NAALADL2: variants seen among roughly 807,000 people sequenced by gnomAD.
NAALADL2 encodes inactive N-acetylated-alpha-linked acidic dipeptidase-like protein 2.
A neutral mutation model predicts 87.2 loss-of-function variants in NAALADL2; 76 were observed. The ratio of observed to expected loss-of-function variants is 0.87; its 90% CI spans 0.72 to 1.05. The LOEUF is 1.05. Among genes scored for constraint, NAALADL2 ranks in the 50% least tolerant of loss-of-function variants. The pLI, the probability that NAALADL2 is intolerant of heterozygous loss-of-function variation, is 0.00. For synonymous variants in NAALADL2, 354 were observed against 331.0 expected, an observed-to-expected ratio of 1.07 and a Z score of -0.75; for missense variants, 1,089 against 945.8, an observed-to-expected ratio of 1.15 and a Z score of -1.99.
chr3:175,273,201 T>C (rs1370249784), intron 4 of NAALADL2, among the ~76,000 whole-genome samples: 1 of 152,106 alleles, frequency 6.6e-6, no homozygotes, highest in Non-Finnish European at 1.5e-5. Context: ...TGAACATGAA[T>C]GCTTATTGTA....
At chr3:175,749,078 G>C (rs1044320543) in intron 12 of NAALADL2, among the ~76,000 whole-genome samples, 9 of 147,338 alleles carry the variant, frequency 6.1e-5, no homozygotes, top group Admixed American at 2.8e-4. Context: ...CTGTACTCCA[G>C]ACTGGGCAAC....
chr3:174,860,965 C>A (rs763354167), intron 1 of NAALADL2, among the ~76,000 whole-genome samples: 8 of 151,842 alleles, frequency 5.3e-5, no homozygotes, highest in Non-Finnish European at 1.0e-4. Context: ...ATCAGAAAAC[C>A]ATGCACAAAA....
intron 2 of NAALADL2, among the ~76,000 whole-genome samples, chr3:175,190,699 G>C (rs1041146187): frequency 6.6e-6 from 1 of 152,086 alleles, no homozygotes; most frequent in African/African-American, 2.4e-5. Context: ...AATATGGGCC[G>C]GGCGCGGTGG....
chr3:175,628,493 T>A (rs1727304841), intron 11 of NAALADL2, among the ~76,000 whole-genome samples: 1 of 151,104 alleles, frequency 6.6e-6, no homozygotes, highest in Admixed American at 6.6e-5. Context: ...TGACATCACA[T>A]GGCATCATAT....
intron 13 of NAALADL2, among the ~76,000 whole-genome samples, chr3:175,788,402 T>C (rs1473638474): frequency 2.0e-5 from 3 of 152,128 alleles, no homozygotes; most frequent in Non-Finnish European, 4.4e-5. Context: ...TTTTTTATCT[T>C]TTATAGAGTA....
At chr3:174,885,280 G>C (rs1211174313) in intron 1 of NAALADL2, among the ~76,000 whole-genome samples, 1 of 152,054 alleles carries the variant, frequency 6.6e-6, no homozygotes, top group Non-Finnish European at 1.5e-5. Context: ...CACAATTTCA[G>C]CTCTTTGTCT....
intron 1 of NAALADL2, among the ~76,000 whole-genome samples, chr3:175,042,381 A>C (rs1375644919): frequency 6.6e-6 from 1 of 152,144 alleles, no homozygotes; most frequent in East Asian, 1.9e-4. Context: ...TATTTTGACT[A>C]TTGTGAATAG....
At chr3:175,453,648 T>G (rs1721901796) in intron 6 of NAALADL2, among the ~76,000 whole-genome samples, 1 of 152,120 alleles carries the variant, frequency 6.6e-6, no homozygotes, top group African/African-American at 2.4e-5. Context: ...TTAGAATATG[T>G]TGTTTCCTCT....
At chr3:174,663,213 T>C (rs1220060047) in intron 2 of NAALADL2, among the ~76,000 whole-genome samples, 1 of 152,144 alleles carries the variant, frequency 6.6e-6, no homozygotes, top group Non-Finnish European at 1.5e-5. Flanking sequence ...TCCATTGATA[T>C]TATCTCAGTT....
chr3:174,918,037 CAT>C (rs1251959616), intron 1 of NAALADL2, among the ~76,000 whole-genome samples: 2 of 151,920 alleles, frequency 1.3e-5, no homozygotes, highest in Non-Finnish European at 2.9e-5. Flanking sequence ...AAATATAAGA[CAT>C]GTTTAGAAAC....
intron 9 of NAALADL2, among the ~76,000 whole-genome samples, chr3:175,507,119 A>C (rs1270783974): frequency 1.3e-5 from 2 of 151,188 alleles, no homozygotes; most frequent in Admixed American, 1.3e-4. Context: ...AAAAAAAACC[A>C]CTCAACACAA....
intron 1 of NAALADL2, among the ~76,000 whole-genome samples, chr3:174,930,638 T>C (rs1001172396): frequency 7.2e-6 from 1 of 139,772 alleles, no homozygotes; most frequent in African/African-American, 2.7e-5. Flanking sequence ...TTTTTTTTTT[T>C]TGAGACAGAG....
chr3:174,942,929 C>T (rs941205943), intron 1 of NAALADL2, among the ~76,000 whole-genome samples: 1 of 152,174 alleles, frequency 6.6e-6, no homozygotes, highest in African/African-American at 2.4e-5. Context: ...CCTTCAGTTC[C>T]TGCATCACTT....
chr3:174,870,028 AAAG>A (rs1186780333), intron 1 of NAALADL2, among the ~76,000 whole-genome samples: 2 of 143,816 alleles, frequency 1.4e-5, no homozygotes, highest in Non-Finnish European at 3.1e-5. Context: ...AAAAAAAAAA[AAAG>A]GCTAATTATG....
intron 1 of NAALADL2, among the ~76,000 whole-genome samples, chr3:174,990,856 A>G (rs1194209142): frequency 1.3e-5 from 2 of 151,904 alleles, no homozygotes; most frequent in African/African-American, 4.8e-5. Flanking sequence ...AGTATTGTTG[A>G]CCTCTCTACA....
upstream of NAALADL2, among the ~76,000 whole-genome samples, chr3:174,858,236 A>G (rs1726079895): frequency 6.7e-6 from 1 of 149,858 alleles, no homozygotes; most frequent in South Asian, 2.1e-4. Context: ...ATATTCATTT[A>G]TTTACTAGTC....
chr3:175,016,558 G>A (rs965086270), intron 1 of NAALADL2, among the ~76,000 whole-genome samples: 5 of 151,272 alleles, frequency 3.3e-5, no homozygotes, highest in African/African-American at 9.7e-5. Context: ...TTTCTGAAAT[G>A]TGCTTTATTA....
At chr3:175,049,530 A>T (rs531696559) in intron 1 of NAALADL2, among the ~76,000 whole-genome samples, 1 of 152,334 alleles carries the variant, frequency 6.6e-6, no homozygotes, top group African/African-American at 2.4e-5. Context: ...TGCTATCGTC[A>T]GGACTCCATC....
chr3:174,882,565 A>G (rs760785061), intron 1 of NAALADL2, among the ~76,000 whole-genome samples: 5 of 143,696 alleles, frequency 3.5e-5, no homozygotes, highest in African/African-American at 1.1e-4. Context: ...ATGTGTATAT[A>G]TACATATGTG....
Sources: allele counts gnomAD v4.1 joint callset (sites outside exome capture counted in the v4.1 genomes callset), GRCh38; gene constraint gnomAD v4.1.1; transcripts MANE v1.5; gene names NCBI Gene and HGNC (gene_info 2026-07-23, HGNC 2026-07-21).